The following RIMS1 variants were observed in gnomAD, a reference collection of about 807,000 sequenced individuals.
RIMS1 encodes regulating synaptic membrane exocytosis 1.
A neutral mutation model predicts 214.1 loss-of-function variants in RIMS1; 83 were observed. The ratio of observed to expected loss-of-function variants is 0.39; its 90% confidence interval spans 0.32 to 0.47. The LOEUF (loss-of-function observed/expected upper bound fraction) is 0.47, where lower values mean the gene tolerates loss of function less well. Ranked by LOEUF, RIMS1 falls within the 20% of genes least tolerant of loss-of-function variation. RIMS1 has a pLI of 0.99. For synonymous variants in RIMS1, 793 were observed against 786.8 expected, an observed-to-expected ratio of 1.01 and a Z score of -0.13; for missense variants, 2,050 against 2,161.8, an observed-to-expected ratio of 0.95 and a Z score of 1.03.
chr6:72,323,526 A>T lies in RIMS1; in HGVS notation c.4130+9854A>T, dbSNP rs574626659. Among the ~76,000 whole-genome samples the T allele has an allele frequency of 2.6e-5, 4 of 152,102 alleles. No individual in the cohort carries two copies. The South Asian group carries it at 8.3e-4, about 32-fold the overall frequency. On this transcript the variant is annotated intron_variant, in intron 28 of 33. Coordinates refer to ENST00000521978, the MANE Select transcript of RIMS1 (RefSeq NM_014989.7). Reference sequence around the variant, plus strand: ...CAAGGATTAATGAACTAGTCAGTAGAAAGTATAGGAGTTGATGTACAGAGA... The same window carrying T: ...CAAGGATTAATGAACTAGTCAGTAGTAAGTATAGGAGTTGATGTACAGAGA...
chr6:72,330,378 G>A (rs545912992), intron 28 of RIMS1, among the ~76,000 whole-genome samples: 2 of 151,664 alleles, frequency 1.3e-5, no homozygotes, highest in African/African-American at 4.8e-5. Context: ...CTACAAGAAG[G>A]GGGGGATCAA....
intron 1 of RIMS1, among the ~76,000 whole-genome samples, chr6:71,936,196 G>A (rs1033652659): frequency 6.6e-6 from 1 of 151,260 alleles, no homozygotes; most frequent in African/African-American, 2.4e-5. Context: ...GCGTGGTAGC[G>A]GGCGCCTGTA....
chr6:72,195,036 C>T (rs1379967248), intron 6 of RIMS1, among the ~76,000 whole-genome samples: 2 of 152,010 alleles, frequency 1.3e-5, no homozygotes, highest in African/African-American at 4.8e-5. Context: ...AAGATTCATA[C>T]TGAAGATTCG....
chr6:72,278,683 T>A (rs1402360953), intron 23 of RIMS1, among the ~76,000 whole-genome samples: 1 of 152,108 alleles, frequency 6.6e-6, no homozygotes, highest in Non-Finnish European at 1.5e-5. Flanking sequence ...GAACAAAGTG[T>A]ATCCATGAAC....
intron 1 of RIMS1, among the ~76,000 whole-genome samples, chr6:71,896,867 A>G (rs1460552127): frequency 6.6e-6 from 1 of 152,096 alleles, no homozygotes; most frequent in Non-Finnish European, 1.5e-5. Context: ...CCCATTTTAT[A>G]TGCAGTTCCT....
chr6:72,149,314 A>G (rs1310883732), intron 4 of RIMS1, among the ~76,000 whole-genome samples: 1 of 152,190 alleles, frequency 6.6e-6, no homozygotes. Flanking sequence ...GAAAGAAAGA[A>G]AAAAAGTACC....
intron 2 of RIMS1, among the ~76,000 whole-genome samples, chr6:72,010,509 G>T (rs1458427685): frequency 6.6e-6 from 1 of 152,140 alleles, no homozygotes; most frequent in Non-Finnish European, 1.5e-5. Context: ...GAAATAAAGG[G>T]TATTCAATTA....
chr6:72,261,430 A>G (rs10455255), intron 19 of RIMS1: 99,364 of 984,808 alleles, frequency 0.1, 5,430 homozygotes, highest in East Asian at 0.14. Flanking sequence ...TTTGCTTCTA[A>G]ATTGGAGCTT....
At chr6:71,954,846 G>GGACA in intron 1 of RIMS1, among the ~76,000 whole-genome samples, 1 of 144,918 alleles carries the variant, frequency 6.9e-6, no homozygotes, top group East Asian at 2.0e-4. Flanking sequence ...CCACTCCTCA[G>GGACA]CACACACACA....
intron 29 of RIMS1, among the ~76,000 whole-genome samples, chr6:72,386,378 G>A (rs1210300975): frequency 6.6e-6 from 1 of 152,198 alleles, no homozygotes; most frequent in Admixed American, 6.5e-5. Flanking sequence ...GCAACACACA[G>A]AGCCTGAGAT....
chr6:72,321,036 A>ATAT (rs2096128599), intron 28 of RIMS1, among the ~76,000 whole-genome samples: 1 of 152,018 alleles, frequency 6.6e-6, no homozygotes, highest in African/African-American at 2.4e-5. Context: ...CCAAGTGCGG[A>ATAT]TTGATTGATA....
At chr6:72,330,384 A>G (rs1349579488) in intron 28 of RIMS1, among the ~76,000 whole-genome samples, 2 of 151,710 alleles carry the variant, frequency 1.3e-5, no homozygotes, top group Non-Finnish European at 2.9e-5. Context: ...GAAGGGGGGG[A>G]TCAAAAGGAA....
intron 6 of RIMS1, among the ~76,000 whole-genome samples, chr6:72,215,584 TA>T (rs1384767011): frequency 2.6e-5 from 4 of 152,218 alleles, no homozygotes; most frequent in Non-Finnish European, 1.5e-5. Flanking sequence ...CTATGAGAAA[TA>T]AATTAACTAA....
At chr6:72,073,351 C>T (rs752922629) in intron 2 of RIMS1, among the ~76,000 whole-genome samples, 6 of 152,142 alleles carry the variant, frequency 3.9e-5, no homozygotes, top group South Asian at 2.1e-4. Flanking sequence ...CTTATCTCAA[C>T]GAAATCAGAA....
intron 23 of RIMS1, among the ~76,000 whole-genome samples, chr6:72,278,152 AATCTATCTATCT>A (rs561604409): frequency 4.5e-4 from 58 of 128,346 alleles, no homozygotes; most frequent in South Asian, 2.1e-3. Context: ...AATGGTTTTT[AATCTATCTATCT>A]ATCTATCTAT....
Position 72,298,452 on chromosome 6 carries a change from C to T in RIMS1, c.3850+6406C>T, listed in dbSNP as rs116009938. On this transcript the variant is annotated intron_variant, in intron 26 of 33. Transcript: ENST00000521978. ...GAATAGGAAACGAGACACAGATCCC[C>T]CTCCAGGGAACTTGTTCTCATCCAC... 9.5e-3 allele frequency among the ~76,000 whole-genome samples: 1,451 copies of T among 152,050 alleles called. 26 individuals are homozygous for T. The highest frequency in any genetic ancestry group is 0.034 in the African/African-American group (1,400 of 41,506).
intron 2 of RIMS1, among the ~76,000 whole-genome samples, chr6:72,051,117 A>G (rs1438513626): frequency 2.6e-5 from 4 of 152,048 alleles, no homozygotes; most frequent in African/African-American, 9.7e-5. Flanking sequence ...CTTCCAAAAG[A>G]TCGTTTCTTT....
chr6:71,968,950 A>T, intron 1 of RIMS1, 33 bp from the exon 2 acceptor site: 1 of 1,579,278 alleles, frequency 6.3e-7, no homozygotes. Context: ...TTTATAATTA[A>T]TAGTGCGTTG....
At chr6:72,009,017 A>G (rs1028129778) in intron 2 of RIMS1, among the ~76,000 whole-genome samples, 1 of 152,236 alleles carries the variant, frequency 6.6e-6, no homozygotes, top group Non-Finnish European at 1.5e-5. Flanking sequence ...TCAACAGAAT[A>G]TACATTCTTC....
Sources: allele counts gnomAD v4.1 joint callset (sites outside exome capture counted in the v4.1 genomes callset), GRCh38; gene constraint gnomAD v4.1.1; transcripts MANE v1.5; gene names NCBI Gene and HGNC (gene_info 2026-07-23, HGNC 2026-07-21).